FSTL5: variants seen among roughly 807,000 people sequenced by gnomAD.
FSTL5 encodes follistatin like 5, also known as follistatin-related protein 5.
Under a neutral mutation model 89.1 loss-of-function variants are expected in FSTL5, and 62 were observed. That is an observed-to-expected ratio of 0.70 (90% CI 0.57 to 0.86). The LOEUF is 0.86. Among genes scored for constraint, FSTL5 ranks in the 40% least tolerant of loss-of-function variants. FSTL5 has a pLI of 0.00. For missense variants in FSTL5, 1,057 were observed against 1,001.6 expected, an observed-to-expected ratio of 1.06 and a Z score of -0.75; for synonymous variants, 383 against 346.2, an observed-to-expected ratio of 1.11 and a Z score of -1.18.
intron 6 of FSTL5, among the ~76,000 whole-genome samples, chr4:161,720,111 G>T (rs1359608007): frequency 6.6e-6 from 1 of 151,040 alleles, no homozygotes; most frequent in Non-Finnish European, 1.5e-5. Context: ...AATAGAAAAA[G>T]GCAACCTAAA....
intron 10 of FSTL5, among the ~76,000 whole-genome samples, chr4:161,513,268 A>G (rs28866494): frequency 0.13 from 12,663 of 97,254 alleles, 1,504 homozygotes; most frequent in East Asian, 0.32. Context: ...CCAAACAAGG[A>G]GGGGGAGAGA....
intron 3 of FSTL5, among the ~76,000 whole-genome samples, chr4:162,013,313 T>TTTAAACTCAA (rs1736823463): frequency 6.6e-6 from 1 of 152,144 alleles, no homozygotes; most frequent in African/African-American, 2.4e-5. Context: ...GATCAGGAAG[T>TTTAAACTCAA]GGAGATTAGA....
intron 15 of FSTL5, among the ~76,000 whole-genome samples, chr4:161,436,310 A>T (rs1009606334): frequency 1.3e-5 from 2 of 152,184 alleles, no homozygotes; most frequent in African/African-American, 4.8e-5. Flanking sequence ...GGAGATTTAC[A>T]TACTTTCCTA....
At position 161,599,929 on chromosome 4, in the gene FSTL5, A is replaced by G. The variant is rs147457353; in HGVS notation, c.895-12354T>C. On this transcript the variant is annotated intron_variant, in intron 7 of 15. Coordinates refer to ENST00000306100, the MANE Select transcript of FSTL5 (RefSeq NM_020116.5). The stretch of plus-strand genomic sequence containing the variant: ...AAAAATAAAATTCAAGACGACCCAT[A>G]TAACCTTGAATCATTCCTATCTATA... 3.9e-4 allele frequency among the ~76,000 whole-genome samples: 60 copies of G among 152,218 alleles called. 1 individual carries two copies. The East Asian group carries it at 0.01, about 25-fold the overall frequency.
intron 6 of FSTL5, among the ~76,000 whole-genome samples, chr4:161,742,109 G>C (rs1412763927): frequency 9.9e-5 from 15 of 151,448 alleles, no homozygotes; most frequent in Admixed American, 9.9e-4. Context: ...TAGTTTGTGA[G>C]TAAAAAAAAA....
intron 10 of FSTL5, among the ~76,000 whole-genome samples, chr4:161,529,205 C>T (rs1409299990): frequency 7.0e-6 from 1 of 143,012 alleles, no homozygotes; most frequent in Non-Finnish European, 1.5e-5. Flanking sequence ...TAATAAAGCC[C>T]TGCTTTTGTG....
At chr4:161,453,436 T>G (rs1037478337) in intron 15 of FSTL5, among the ~76,000 whole-genome samples, 1 of 152,104 alleles carries the variant, frequency 6.6e-6, no homozygotes, top group Non-Finnish European at 1.5e-5. Flanking sequence ...GTATAAGAAC[T>G]TCATATATTT....
intron 13 of FSTL5, among the ~76,000 whole-genome samples, chr4:161,478,379 A>G (rs547901166): frequency 6.6e-6 from 1 of 152,270 alleles, no homozygotes; most frequent in South Asian, 2.1e-4. Flanking sequence ...ACCAATCAAT[A>G]CATCACCTTG....
At chr4:161,550,300 G>A (rs1578917367) in intron 8 of FSTL5, among the ~76,000 whole-genome samples, 1 of 151,952 alleles carries the variant, frequency 6.6e-6, no homozygotes, top group East Asian at 2.0e-4. Context: ...ACAGTGACAA[G>A]GAGCAAAACC....
chr4:162,098,474 T>G (rs1730857066), intron 2 of FSTL5, among the ~76,000 whole-genome samples: 1 of 151,990 alleles, frequency 6.6e-6, no homozygotes, highest in African/African-American at 2.4e-5. Flanking sequence ...GGCTGTCCAT[T>G]GTATAAAAAA....
At chr4:161,598,781 T>A (rs754156740) in intron 7 of FSTL5, among the ~76,000 whole-genome samples, 3 of 152,072 alleles carry the variant, frequency 2.0e-5, no homozygotes, top group Admixed American at 6.6e-5. Flanking sequence ...AGTTTAGACA[T>A]ATAGAAAATT....
chr4:161,836,032 T>C (rs1037485663), intron 4 of FSTL5, among the ~76,000 whole-genome samples: 2 of 152,068 alleles, frequency 1.3e-5, no homozygotes, highest in African/African-American at 2.4e-5. Flanking sequence ...CCATTCACCA[T>C]AGCAAAGACT....
At chr4:162,153,595 A>ATG (rs1173886415) in intron 1 of FSTL5, among the ~76,000 whole-genome samples, 4 of 143,964 alleles carry the variant, frequency 2.8e-5, no homozygotes, top group Admixed American at 2.2e-4. Flanking sequence ...AACTATATAT[A>ATG]TGTGTGTGTA....
intron 6 of FSTL5, among the ~76,000 whole-genome samples, chr4:161,686,778 A>C (rs6817344): frequency 1.3e-5 from 2 of 151,982 alleles, no homozygotes; most frequent in Non-Finnish European, 2.9e-5. Context: ...ATTTTGTTCT[A>C]AATTGTAACT....
At position 161,544,562 on chromosome 4, in the gene FSTL5, G is replaced by T. The variant is rs186528128; in HGVS notation, c.1016-1869C>A. 1.5e-3 allele frequency among the ~76,000 whole-genome samples: 221 copies of T among 151,928 alleles called. 2 individuals carry two copies. Among genetic ancestry groups the T allele is most frequent in the East Asian group, 3.7e-3 (19 of 5,134 alleles). On this transcript the variant is annotated intron_variant, in intron 8 of 15. Coordinates refer to ENST00000306100, the MANE Select transcript of FSTL5 (RefSeq NM_020116.5). The stretch of plus-strand genomic sequence containing the variant: ...GTTCTAGGCTTAGATAGTGGTGATG[G>T]TTACACAACATTGTAAATATGTTAT...
intron 15 of FSTL5, among the ~76,000 whole-genome samples, chr4:161,449,651 A>C (rs17041072): frequency 0.015 from 2,299 of 152,264 alleles, 58 homozygotes; most frequent in African/African-American, 0.053. Context: ...TTTGTAGTTG[A>C]ACTCTAACTG....
rs189244948 is a variant in FSTL5 at position 161,489,893 on chromosome 4, T to C, written c.1459-8724A>G. ...CTTTGTTAATGCAGCTTTTAAAACA[T>C]GGCTGCAGGAATTAAAATGCAGAAT... is the stretch of plus-strand genomic sequence containing the variant. On this transcript the variant is annotated intron_variant, in intron 12 of 15. Transcript: ENST00000306100. Among the ~76,000 whole-genome samples, 18 of 151,066 alleles carry C rather than the reference T, an allele frequency of 1.2e-4. No individual in the cohort carries two copies. In the East Asian group the frequency reaches 2.3e-3, roughly 20 times the overall value.
rs374167116 is a variant in FSTL5, at chr4:161,948,286, A to G, written c.161-27634T>C. ...CAACAGAGCAAGATCCTGTACCTAA[A>G]GAAATGAAAAAAAAAAAAAAAAAAC... On this transcript the variant is annotated intron_variant, in intron 3 of 15. Transcript: ENST00000306100. Among the ~76,000 whole-genome samples, 1,078 of 115,484 alleles carry G rather than the reference A, an allele frequency of 9.3e-3. 21 individuals are homozygous for G. The highest frequency in any genetic ancestry group is 0.028 in the African/African-American group (1,006 of 35,466). The allele number at this position is 115,484 out of a possible 152,430, so 75.8% of individuals were successfully genotyped here.
intron 2 of FSTL5, among the ~76,000 whole-genome samples, chr4:162,071,228 C>A (rs112680720): frequency 6.6e-6 from 1 of 151,362 alleles, no homozygotes; most frequent in Non-Finnish European, 1.5e-5. Flanking sequence ...CAACAAGATG[C>A]AACTGTATGC....
Sources: gnomAD v4.1 joint callset for allele counts (sites outside exome capture counted in the v4.1 genomes callset) on GRCh38, gnomAD v4.1.1 for gene constraint, MANE v1.5 for transcripts, NCBI Gene and HGNC (gene_info 2026-07-23, HGNC 2026-07-21) for gene names.